EVC2: variants seen among roughly 807,000 people sequenced by gnomAD.
EVC2 encodes the protein EvC ciliary complex subunit 2.
A neutral mutation model predicts 149.3 loss-of-function variants in EVC2; 148 were observed. The ratio of observed to expected loss-of-function variants is 0.99; its 90% CI spans 0.87 to 1.14. The LOEUF (loss-of-function observed/expected upper bound fraction) is 1.14, where lower values mean the gene tolerates loss of function less well. EVC2 is among the 50% of genes most tolerant of loss of function. EVC2 has a pLI of 0.00. For missense variants in EVC2, 1,854 were observed against 1,627.3 expected, an observed-to-expected ratio of 1.14 and a Z score of -2.40; for synonymous variants, 776 against 649.9, an observed-to-expected ratio of 1.19 and a Z score of -2.95.
Position 5,625,660 on chromosome 4 carries a change from C to T in EVC2, c.2046+89G>A. On this transcript the variant is annotated intron_variant, in intron 13 of 21. Coordinates refer to ENST00000344408, the MANE Select transcript of EVC2 (RefSeq NM_147127.5). This position sits in a 1 kb window ranked among gnomAD's most constrained non-coding sequence, Gnocchi z 4.0. ...CAGCTGCCCTTCTGATCCTAGTTCA[C>T]CAATGGCAATGTCTGGCACAGTACC... 6.4e-7 allele frequency: 1 copy of T among 1,554,708 alleles called. No homozygotes were observed. Among genetic ancestry groups the T allele is most frequent in the Non-Finnish European group, 8.8e-7 (1 of 1,134,322 alleles).
At position 5,663,173 on chromosome 4, in the gene EVC2, A is replaced by T. The variant is rs774401542; in HGVS notation, c.1079T>A (p.Leu360His). Residue 360 changes from leucine to histidine, a missense_variant, in exon 9 of 22, where the codon CTT becomes CAT. Coordinates refer to ENST00000344408, the MANE Select transcript of EVC2 (RefSeq NM_147127.5). The part of the protein sequence containing the change: ...SADGVNEDLS[L>H]NDQMIDILSS... ...CAGAATGTCTATCATTTGGTCGTTA[A>T]GGGAAAGGTCCTCATTCACGCCATC... 7 of 1,614,204 alleles carry T rather than the reference A, an allele frequency of 4.3e-6. No individual in the cohort carries two copies. Among genetic ancestry groups the T allele is most frequent in the Non-Finnish European group, 5.9e-6 (7 of 1,180,036 alleles).
intron 11 of EVC2, among the ~76,000 whole-genome samples, chr4:5,629,442 T>C (rs1200064323): frequency 6.6e-6 from 1 of 152,152 alleles, no homozygotes; most frequent in East Asian, 1.9e-4. Flanking sequence ...AACATCATAA[T>C]AGCCTGCTTC....
In EVC2 at chr4:5,668,217, T is replaced by C. The variant is rs190333923; in HGVS notation, c.871-2568A>G. Among the ~76,000 whole-genome samples, 8 of 152,318 alleles carry C rather than the reference T, an allele frequency of 5.3e-5. No homozygotes were observed. In the East Asian group the frequency reaches 1.5e-3, roughly 29 times the overall value. ...CCACAGTGCAGATTGTAGTCAAGGT[T>C]ACATTTTTTCTGACAGACCAATGAG... On this transcript the variant is annotated intron_variant, in intron 7 of 21. Transcript: ENST00000344408.
In EVC2 at chr4:5,618,592, C is replaced by A; in HGVS notation, c.2592G>T (p.Arg864Ser). ...CCCGGATCTTGGGGAGGGCCAAGCT[C>A]CTGTCCATCTGAGCAAAGCAGCCAT... Reference protein sequence around the residue: ...EVHGCFAQMDRSLALPKIRAR... With the variant: ...EVHGCFAQMDSSLALPKIRAR... Residue 864 changes from arginine (R) to serine (S), a missense_variant, in exon 15 of 22, where the codon AGG (arginine) becomes AGT (serine). Transcript: ENST00000344408. The surrounding 1 kb of genome is among the most constrained non-coding windows in gnomAD (Gnocchi z 4.4). The A allele has an allele frequency of 6.2e-7, 1 of 1,614,094 alleles. No homozygotes were observed. The highest frequency in any genetic ancestry group is 8.5e-7 in the Non-Finnish European group (1 of 1,179,994).
intron 9 of EVC2, among the ~76,000 whole-genome samples, chr4:5,659,392 C>G (rs1407932837): frequency 7.5e-6 from 1 of 133,374 alleles, no homozygotes; most frequent in Non-Finnish European, 1.6e-5. Flanking sequence ...AAGTAATTGG[C>G]AATGCTATAA....
At chr4:5,553,395 G>A (rs1421508033) in intron 21 of EVC2, among the ~76,000 whole-genome samples, 2 of 152,134 alleles carry the variant, frequency 1.3e-5, no homozygotes, top group African/African-American at 4.8e-5. Flanking sequence ...CCAACATTGA[G>A]GATGACAATT....
At chr4:5,531,705 G>A in the EVC2 span, among the ~76,000 whole-genome samples, 8 of 151,888 alleles carry the variant, frequency 5.3e-5, no homozygotes, top group South Asian at 2.1e-4. Flanking sequence ...CTCCAAATGG[G>A]ACCATCTAGT....
chr4:5,654,180 C>G (rs1163150873), intron 9 of EVC2, among the ~76,000 whole-genome samples: 1 of 152,086 alleles, frequency 6.6e-6, no homozygotes, highest in African/African-American at 2.4e-5. Context: ...TGCCACGGCA[C>G]TCCAGGCTGA....
At chr4:5,592,239 A>C (rs1465435925) in intron 16 of EVC2, among the ~76,000 whole-genome samples, 1 of 152,222 alleles carries the variant, frequency 6.6e-6, no homozygotes, top group Admixed American at 6.5e-5. Flanking sequence ...CTTAAAAAAC[A>C]GATAAGAGGG....
chr4:5,658,578 A>G (rs1029349337), intron 9 of EVC2, among the ~76,000 whole-genome samples: 9 of 152,244 alleles, frequency 5.9e-5, no homozygotes, highest in Non-Finnish European at 1.0e-4. Context: ...GCTCATTCTA[A>G]TAATAGAGAA....
chr4:5,546,706 AAAGTAT>A (rs1398359128), intron 21 of EVC2, among the ~76,000 whole-genome samples: 1 of 151,494 alleles, frequency 6.6e-6, no homozygotes, highest in Non-Finnish European at 1.5e-5. Flanking sequence ...CCTAAAACTT[AAAGTAT>A]AATAATAATA....
In EVC2 at chr4:5,618,507, C is replaced by T. The variant is rs1553830511; in HGVS notation, c.2677G>A (p.Asp893Asn). Residue 893 changes from aspartate (D) to asparagine (N), a missense_variant, in exon 15 of 22, where the codon GAC becomes AAC. By Grantham distance (23) the Asp-to-Asn change is conservative (BLOSUM62 1). Coordinates refer to ENST00000344408, the MANE Select transcript of EVC2 (RefSeq NM_147127.5). The surrounding 1 kb of genome is among the most constrained non-coding windows in gnomAD (Gnocchi z 4.4). ...AWREAEFVKL[D>N]QAVAAPELQQ... Reference sequence around the variant, plus strand: ...AGCTCAGGGGCAGCCACGGCCTGGTCCAGCTTCACGAACTCTGCTTCTCGC... The same window carrying T: ...AGCTCAGGGGCAGCCACGGCCTGGTTCAGCTTCACGAACTCTGCTTCTCGC... 5 of 1,613,454 alleles carry T rather than the reference C, an allele frequency of 3.1e-6. No individual in the cohort carries two copies. The highest frequency in any genetic ancestry group is 1.7e-5 in the Admixed American group (1 of 60,000).
At chr4:5,669,708 T>C (rs1365001598) in intron 7 of EVC2, among the ~76,000 whole-genome samples, 2 of 152,234 alleles carry the variant, frequency 1.3e-5, no homozygotes, top group Non-Finnish European at 2.9e-5. Flanking sequence ...CTCTTTCCAC[T>C]TCCACCTTCT....
intron 9 of EVC2, among the ~76,000 whole-genome samples, chr4:5,651,121 G>A (rs944439905): frequency 3.9e-5 from 6 of 152,084 alleles, no homozygotes; most frequent in South Asian, 2.1e-4. Context: ...GACGACAGAC[G>A]GAGGGATAGA....
rs1722023969 is a variant in EVC2, at chr4:5,562,616, C to T, written c.*232G>A. ...CCTCCAGGGCCCTGGGGAGGTGGGGCTGAAAGAAGGAGTGTTTATGTCCTT... is the reference window on the plus strand; with the variant it reads ...CCTCCAGGGCCCTGGGGAGGTGGGGTTGAAAGAAGGAGTGTTTATGTCCTT... On this transcript the variant is annotated 3_prime_UTR_variant, in exon 22 of 22. Transcript: ENST00000344408. The surrounding 1 kb of genome is among the most constrained non-coding windows in gnomAD (Gnocchi z 4.3). 3.6e-6 allele frequency: 5 copies of T among 1,403,922 alleles called. No homozygotes were observed. The African/African-American group carries it at 5.8e-5, about 16-fold the overall frequency. 87.0% of individuals were successfully genotyped at this position (1,403,922 alleles called of 1,614,324 possible).
chr4:5,697,541 T>C, intron 2 of EVC2, 52 bp downstream of exon 2: 1 of 1,586,130 alleles, frequency 6.3e-7, no homozygotes, highest in East Asian at 2.2e-5. Context: ...GCTTCAGGCT[T>C]CTGGTTTTTC....
chr4:5,580,992 G>A (rs1389485785), intron 17 of EVC2, among the ~76,000 whole-genome samples: 10 of 152,104 alleles, frequency 6.6e-5, no homozygotes, highest in African/African-American at 2.2e-4. Flanking sequence ...TCTTCCTTTT[G>A]CTCCAGCCAA....
At chr4:5,602,483 T>C (rs546718156) in intron 16 of EVC2, among the ~76,000 whole-genome samples, 17 of 152,102 alleles carry the variant, frequency 1.1e-4, no homozygotes, top group African/African-American at 4.1e-4. Flanking sequence ...CTTATAATCA[T>C]AGAAACCATA....
intron 1 of EVC2, among the ~76,000 whole-genome samples, chr4:5,703,056 A>G (rs1721927328): frequency 6.6e-6 from 1 of 152,180 alleles, no homozygotes; most frequent in Non-Finnish European, 1.5e-5. Flanking sequence ...CTTACTTAAC[A>G]TCATCAATAG....
Sources: allele counts gnomAD v4.1 joint callset (sites outside exome capture counted in the v4.1 genomes callset), GRCh38; gene constraint gnomAD v4.1.1; non-coding constraint Gnocchi (gnomAD v3.1); transcripts MANE v1.5; gene names NCBI Gene and HGNC (gene_info 2026-07-23, HGNC 2026-07-21).